SSBP3: variants seen among roughly 807,000 people sequenced by gnomAD.
SSBP3 encodes the protein single-stranded DNA-binding protein 3.
In SSBP3, 5 loss-of-function variants were observed where a neutral mutation model predicts 69.6. The observed-to-expected ratio is 0.07, with a 90% CI of 0.04 to 0.15. The LOEUF (loss-of-function observed/expected upper bound fraction) is 0.15. Among genes scored for constraint, SSBP3 ranks in the 10% least tolerant of loss-of-function variants. The probability of loss-of-function intolerance (pLI) is 1.00; values close to 1 mark genes in which losing one functional copy is unlikely to be tolerated. For synonymous variants in SSBP3, 196 were observed against 193.4 expected, an observed-to-expected ratio of 1.01 and a Z score of -0.11; for missense variants, 312 against 534.0, an observed-to-expected ratio of 0.58 and a Z score of 4.10.
chr1:54,400,271 G>C (rs1300432415), intron 4 of SSBP3, among the ~76,000 whole-genome samples: 5 of 152,146 alleles, frequency 3.3e-5, no homozygotes, highest in Non-Finnish European at 7.3e-5. Context: ...TACATCAAGA[G>C]AGTGAAAGAC....
intron 6 of SSBP3, 126 bp downstream of exon 6, chr1:54,257,943 A>C: frequency 1.0e-5 from 9 of 859,692 alleles, no homozygotes; most frequent in Non-Finnish European, 1.5e-5. Context: ...AAAAAAATTT[A>C]ATTTGTCAAT....
chr1:54,333,671 CTCT>C (rs1646459491), intron 4 of SSBP3, among the ~76,000 whole-genome samples: 1 of 152,202 alleles, frequency 6.6e-6, no homozygotes, highest in Non-Finnish European at 1.5e-5. Flanking sequence ...GACTTACCCT[CTCT>C]GTGTCTCAGT....
intron 9 of SSBP3, among the ~76,000 whole-genome samples, chr1:54,245,790 G>C (rs943349328): frequency 5.9e-5 from 9 of 152,368 alleles, no homozygotes; most frequent in Admixed American, 4.6e-4. Flanking sequence ...CTCGAGACCT[G>C]AGGTCAGAAC....
At chr1:54,408,037 AT>A (rs766128183), upstream of SSBP3, among the ~76,000 whole-genome samples, 3 of 152,254 alleles carry the variant, frequency 2.0e-5, no homozygotes. Flanking sequence ...CTCTGGGTGC[AT>A]TTTTGGAATA....
At chr1:54,240,047 G>GGGGT (rs759078115) in intron 13 of SSBP3, among the ~76,000 whole-genome samples, 3 of 77,792 alleles carry the variant, frequency 3.9e-5, no homozygotes, top group Non-Finnish European at 7.9e-5. Context: ...ATTGTGATGG[G>GGGGT]GTGTGTGTGT....
intron 4 of SSBP3, among the ~76,000 whole-genome samples, chr1:54,319,468 G>A (rs1646174498): frequency 1.3e-5 from 2 of 152,126 alleles, no homozygotes; most frequent in African/African-American, 4.8e-5. Flanking sequence ...GGGAAGGACG[G>A]GAAGCAGAAA....
intron 4 of SSBP3, among the ~76,000 whole-genome samples, chr1:54,303,649 T>G (rs1210196562): frequency 2.6e-5 from 4 of 152,138 alleles, no homozygotes; most frequent in South Asian, 4.1e-4. Flanking sequence ...CTCTTAAATC[T>G]TTACACTCAC....
intron 4 of SSBP3, among the ~76,000 whole-genome samples, chr1:54,386,502 T>C (rs150203378): frequency 0.012 from 1,782 of 152,040 alleles, 10 homozygotes; most frequent in Non-Finnish European, 0.018. Flanking sequence ...TCAGGTGTTC[T>C]CACCCCCAGT....
chr1:54,352,379 A>G (rs952378387), intron 4 of SSBP3, among the ~76,000 whole-genome samples: 1 of 152,150 alleles, frequency 6.6e-6, no homozygotes, highest in Admixed American at 6.5e-5. Flanking sequence ...AATGGATCCA[A>G]ACTTCTTGGC....
chr1:54,257,587 A>G (rs1442860689), intron 6 of SSBP3, among the ~76,000 whole-genome samples: 1 of 152,140 alleles, frequency 6.6e-6, no homozygotes, highest in Non-Finnish European at 1.5e-5. Flanking sequence ...ACGAGCACGC[A>G]CACAGGCACA....
chr1:54,234,876 G>A (rs112571335), intron 14 of SSBP3, among the ~76,000 whole-genome samples: 9 of 151,946 alleles, frequency 5.9e-5, no homozygotes, highest in South Asian at 2.1e-4. Context: ...CAATCCTCCC[G>A]CTTCAGCCTC....
intron 4 of SSBP3, among the ~76,000 whole-genome samples, chr1:54,300,753 T>A (rs1356010386): frequency 6.6e-6 from 1 of 152,200 alleles, no homozygotes; most frequent in Non-Finnish European, 1.5e-5. Context: ...TCACCTACTC[T>A]GTCTCCAAAA....
chr1:54,341,409 A>G (rs1225666436), intron 4 of SSBP3, among the ~76,000 whole-genome samples: 2 of 152,098 alleles, frequency 1.3e-5, no homozygotes, highest in Non-Finnish European at 2.9e-5. Context: ...AACCTTAAAA[A>G]ATTACAGTGA....
At chr1:54,279,400 G>C (rs1232177024) in intron 5 of SSBP3, among the ~76,000 whole-genome samples, 9 of 152,336 alleles carry the variant, frequency 5.9e-5, no homozygotes, top group Admixed American at 3.9e-4. Context: ...ACCAAAGCAG[G>C]AAGTTGGGAG....
chr1:54,254,167 C>T (rs1644879662), intron 7 of SSBP3, among the ~76,000 whole-genome samples: 6 of 152,242 alleles, frequency 3.9e-5, no homozygotes, highest in Admixed American at 3.9e-4. Flanking sequence ...CTGGGGCCTA[C>T]AGGGGAGCGA....
intron 4 of SSBP3, among the ~76,000 whole-genome samples, chr1:54,316,363 G>C (rs1034301423): frequency 3.4e-5 from 5 of 146,570 alleles, no homozygotes; most frequent in African/African-American, 1.3e-4. Flanking sequence ...AAATAGGCCG[G>C]GCGCGGTGGC....
At chr1:54,277,232 T>C (rs2100853436) in intron 5 of SSBP3, among the ~76,000 whole-genome samples, 1 of 152,132 alleles carries the variant, frequency 6.6e-6, no homozygotes, top group South Asian at 2.1e-4. Flanking sequence ...TGCCAGTCAC[T>C]ATCTGTTGAG....
At chr1:54,281,869 G>A (rs1216997520) in intron 4 of SSBP3, among the ~76,000 whole-genome samples, 1 of 152,042 alleles carries the variant, frequency 6.6e-6, no homozygotes, top group Non-Finnish European at 1.5e-5. Flanking sequence ...GGTTGAGGCT[G>A]GAGAATCGCT....
rs374370279 is a variant in SSBP3, at chr1:54,268,325, C to T, written c.367-10176G>A. Among the ~76,000 whole-genome samples the T allele has an allele frequency of 5.3e-5, 8 of 152,334 alleles. No individual in the cohort carries two copies. In the East Asian group the frequency reaches 9.6e-4, roughly 18 times the overall value. ...GCCGGCCTCCGCCACCGCTCGCCAG[C>T]GCTCAGGCTCCACTGTTAATCATGA... On this transcript the variant is annotated intron_variant, in intron 5 of 17. Coordinates refer to ENST00000610401, the Ensembl canonical transcript of SSBP3.
Sources: gnomAD v4.1 joint callset for allele counts (sites outside exome capture counted in the v4.1 genomes callset) on GRCh38, gnomAD v4.1.1 for gene constraint, MANE v1.5 for transcripts, NCBI Gene and HGNC (gene_info 2026-07-23, HGNC 2026-07-21) for gene names.